NRXN3: variants seen among roughly 807,000 people sequenced by gnomAD.
NRXN3 encodes the protein neurexin 3, also known as neurexin III.
A neutral mutation model predicts 137.6 loss-of-function variants in NRXN3; 32 were observed. That is an observed-to-expected ratio of 0.23 (90% CI 0.18 to 0.31). NRXN3 has a LOEUF of 0.31. NRXN3 is among the 10% of genes least tolerant of loss of function. The pLI is 1.00. For missense variants in NRXN3, 1,574 were observed against 2,062.5 expected (o/e 0.76, Z 4.59); for synonymous variants, 798 against 784.5 (o/e 1.02, Z -0.29).
chr14:79,470,947 AGAGAGTGTGTGTGTGTGTGTGTGTGTGT>A (rs1366006472), intron 16 of NRXN3, among the ~76,000 whole-genome samples: 2 of 102,666 alleles, frequency 1.9e-5, no homozygotes, highest in African/African-American at 8.9e-5. Context: ...AGAAAGAGAG[AGAGAGTGTGTGTGTGTGTGTGTGTGTGT>A]GTGTGTGTGT....
chr14:78,622,019 C>A (rs1005944473), intron 4 of NRXN3, among the ~76,000 whole-genome samples: 1 of 152,088 alleles, frequency 6.6e-6, no homozygotes, highest in Non-Finnish European at 1.5e-5. Flanking sequence ...CCTGTTAGTG[C>A]TAAGACATTG....
intron 2 of NRXN3, among the ~76,000 whole-genome samples, chr14:78,271,669 C>G (rs61667538): frequency 0.16 from 24,424 of 152,128 alleles, 2,019 homozygotes; most frequent in East Asian, 0.23. Flanking sequence ...GGTCCTTCCT[C>G]TTCCCCTCCT....
At chr14:79,071,704 G>A (rs1390365420) in intron 15 of NRXN3, among the ~76,000 whole-genome samples, 1 of 152,062 alleles carries the variant, frequency 6.6e-6, no homozygotes, top group Non-Finnish European at 1.5e-5. Flanking sequence ...AGTGGGGACG[G>A]TTCATTGGTA....
At chr14:79,186,854 A>G (rs1037806279) in intron 15 of NRXN3, among the ~76,000 whole-genome samples, 4 of 152,222 alleles carry the variant, frequency 2.6e-5, no homozygotes, top group Non-Finnish European at 4.4e-5. Flanking sequence ...GCCGTTAACA[A>G]GAAGTTAAAT....
intron 15 of NRXN3, among the ~76,000 whole-genome samples, chr14:79,215,746 G>C (rs145643632): frequency 6.6e-6 from 1 of 152,146 alleles, no homozygotes; most frequent in East Asian, 1.9e-4. Context: ...TTTGGGTGGG[G>C]ACATAGACAA....
chr14:78,710,008 A>C, intron 7 of NRXN3: 1 of 237,652 alleles, frequency 4.2e-6, no homozygotes, highest in Non-Finnish European at 8.2e-6. Context: ...CTTTTTCCTC[A>C]TCACCATGGA....
At chr14:79,650,882 CA>C (rs1239550357) in intron 16 of NRXN3, among the ~76,000 whole-genome samples, 1 of 152,066 alleles carries the variant, frequency 6.6e-6, no homozygotes, top group African/African-American at 2.4e-5. Flanking sequence ...CATGGTGGTC[CA>C]AAAGACTGTG....
chr14:79,291,366 G>T (rs1307733696), intron 15 of NRXN3, among the ~76,000 whole-genome samples: 1 of 151,890 alleles, frequency 6.6e-6, no homozygotes. Flanking sequence ...AGGTGGAGTT[G>T]TTTTCCCATT....
chr14:78,457,343 T>C (rs1387198882), intron 4 of NRXN3, among the ~76,000 whole-genome samples: 1 of 152,150 alleles, frequency 6.6e-6, no homozygotes, highest in African/African-American at 2.4e-5. Context: ...GGATTACTTC[T>C]TGATGGAGGA....
At chr14:79,811,247 A>G (rs537810355) in intron 20 of NRXN3, among the ~76,000 whole-genome samples, 1 of 152,258 alleles carries the variant, frequency 6.6e-6, no homozygotes, top group Non-Finnish European at 1.5e-5. Context: ...CACTTTGACC[A>G]AAGAGATAAT....
chr14:78,174,257 G>T (rs2059046900), intron 1 of NRXN3, among the ~76,000 whole-genome samples: 1 of 152,124 alleles, frequency 6.6e-6, no homozygotes, highest in Non-Finnish European at 1.5e-5. Flanking sequence ...TTACCTCCGG[G>T]GAGATTTGAT....
chr14:78,330,262 G>A (rs1443864196), intron 4 of NRXN3, among the ~76,000 whole-genome samples: 1 of 152,126 alleles, frequency 6.6e-6, no homozygotes, highest in Non-Finnish European at 1.5e-5. Flanking sequence ...CAGTCACCTT[G>A]ACCCTAAGAG....
intron 1 of NRXN3, among the ~76,000 whole-genome samples, chr14:78,181,607 C>G (rs183405519): frequency 9.9e-4 from 151 of 152,196 alleles, no homozygotes; most frequent in African/African-American, 3.6e-3. Context: ...GGGGATGATC[C>G]CAACTTAGAA....
intron 6 of NRXN3, among the ~76,000 whole-genome samples, chr14:78,663,750 T>A (rs2097859093): frequency 6.6e-6 from 1 of 152,162 alleles, no homozygotes; most frequent in Non-Finnish European, 1.5e-5. Flanking sequence ...GTGGAACTCA[T>A]TGCTTTCTAA....
At chr14:78,281,484 A>G (rs1412769689) in intron 3 of NRXN3, among the ~76,000 whole-genome samples, 1 of 152,170 alleles carries the variant, frequency 6.6e-6, no homozygotes, top group Non-Finnish European at 1.5e-5. Flanking sequence ...CCTGGTGGGC[A>G]ACACCTTTCC....
At chr14:79,831,594 C>G (rs2099323845) in intron 20 of NRXN3, among the ~76,000 whole-genome samples, 1 of 152,026 alleles carries the variant, frequency 6.6e-6, no homozygotes, top group Non-Finnish European at 1.5e-5. Context: ...ACTTAGTATG[C>G]CTGGAGAAAG....
At chr14:79,338,472 C>T (rs1359372448) in intron 15 of NRXN3, among the ~76,000 whole-genome samples, 6 of 152,072 alleles carry the variant, frequency 3.9e-5, no homozygotes, top group Non-Finnish European at 2.9e-5. Context: ...TCATGTGTAT[C>T]GAGAGCTCAG....
At chr14:78,789,095 GC>G (rs2098797796) in intron 8 of NRXN3, among the ~76,000 whole-genome samples, 1 of 152,172 alleles carries the variant, frequency 6.6e-6, no homozygotes, top group Admixed American at 6.5e-5. Context: ...TAAAGCAATG[GC>G]AAAAGTATCT....
chr14:79,450,022 A>T (rs1385432170), intron 15 of NRXN3, among the ~76,000 whole-genome samples: 1 of 150,600 alleles, frequency 6.6e-6, no homozygotes, highest in Non-Finnish European at 1.5e-5. Context: ...AAAGATATAG[A>T]ATCTTACTTC....
Sources: gnomAD v4.1 joint callset for allele counts (sites outside exome capture counted in the v4.1 genomes callset) on GRCh38, gnomAD v4.1.1 for gene constraint, MANE v1.5 for transcripts, NCBI Gene and HGNC (gene_info 2026-07-23, HGNC 2026-07-21) for gene names.